Variants in SLC25A48 observed in about 807,000 individuals in gnomAD.
The protein encoded by SLC25A48 is solute carrier family 25 member 48, also known as CTC-321K16.1.
A neutral mutation model predicts 32.2 loss-of-function variants in SLC25A48; 29 were observed. The observed-to-expected ratio is 0.90, with a 90% CI of 0.67 to 1.23. The LOEUF is 1.23. SLC25A48 is among the 50% of genes most tolerant of loss of function. The pLI is 0.00. For missense variants in SLC25A48, 399 were observed against 422.7 expected (o/e 0.94, Z 0.49); for synonymous variants, 164 against 172.3 (o/e 0.95, Z 0.38).
intron 3 of SLC25A48, among the ~76,000 whole-genome samples, chr5:135,772,666 G>A (rs1356133180): frequency 6.6e-6 from 1 of 150,884 alleles, no homozygotes; most frequent in Non-Finnish European, 1.5e-5. Flanking sequence ...AAATCGCCAA[G>A]GGTGTACACC....
intron 3 of SLC25A48, among the ~76,000 whole-genome samples, chr5:135,685,544 T>C (rs1754003704): frequency 6.6e-6 from 1 of 150,766 alleles, no homozygotes; most frequent in Admixed American, 6.6e-5. Context: ...GCAATTCTCA[T>C]ACCTCGGCCT....
chr5:135,713,494 C>T (rs1400881533), intron 3 of SLC25A48, among the ~76,000 whole-genome samples: 1 of 152,136 alleles, frequency 6.6e-6, no homozygotes, highest in Non-Finnish European at 1.5e-5. Flanking sequence ...AATGAATAAA[C>T]GTAGAACCTC....
At chr5:135,679,117 G>A (rs180796696) in intron 3 of SLC25A48, among the ~76,000 whole-genome samples, 1 of 152,308 alleles carries the variant, frequency 6.6e-6, no homozygotes, top group East Asian at 1.9e-4. Flanking sequence ...GGCAGTAGCA[G>A]TGAGACTAAC....
chr5:135,636,275 G>A (rs1465307498), intron 3 of SLC25A48, among the ~76,000 whole-genome samples: 1 of 152,166 alleles, frequency 6.6e-6, no homozygotes, highest in Non-Finnish European at 1.5e-5. Context: ...GTGAGGCATG[G>A]TCTCAGCTCT....
intron 3 of SLC25A48, among the ~76,000 whole-genome samples, chr5:135,730,919 A>G (rs1308588335): frequency 6.6e-6 from 1 of 152,164 alleles, no homozygotes; most frequent in Non-Finnish European, 1.5e-5. Context: ...TAAGTGGGGA[A>G]CAGAGCTGGG....
chr5:135,883,243 C>T, intron 7 of SLC25A48: 1 of 985,474 alleles, frequency 1.0e-6, no homozygotes, highest in South Asian at 4.7e-5. Context: ...AGCGGAGCTT[C>T]TGCCTTGGAG....
intron 1 of SLC25A48, among the ~76,000 whole-genome samples, chr5:135,838,392 C>A (rs1758707251): frequency 6.6e-6 from 1 of 152,140 alleles, no homozygotes. Flanking sequence ...CCTAACAATG[C>A]AATAGAAAAT....
At chr5:135,630,748 C>T (rs1580737055) in intron 2 of SLC25A48, among the ~76,000 whole-genome samples, 1 of 151,600 alleles carries the variant, frequency 6.6e-6, no homozygotes, top group African/African-American at 2.4e-5. Context: ...ATTACAGGTG[C>T]CTGCCACCAA....
At chr5:135,658,684 A>T (rs1005937923) in intron 3 of SLC25A48, among the ~76,000 whole-genome samples, 1 of 152,198 alleles carries the variant, frequency 6.6e-6, no homozygotes, top group Non-Finnish European at 1.5e-5. Context: ...TTCTGCCTAG[A>T]CATCAGGTAT....
intron 3 of SLC25A48, among the ~76,000 whole-genome samples, chr5:135,785,130 G>T (rs1190986054): frequency 6.6e-6 from 1 of 152,124 alleles, no homozygotes; most frequent in East Asian, 1.9e-4. Flanking sequence ...ATCATAGAAG[G>T]TGTACAACCC....
At chr5:135,809,983 G>A (rs571921724) in intron 3 of SLC25A48, among the ~76,000 whole-genome samples, 3 of 152,254 alleles carry the variant, frequency 2.0e-5, no homozygotes, top group Non-Finnish European at 2.9e-5. Flanking sequence ...GACCACAGGC[G>A]CAGGCCACTG....
chr5:135,795,059 C>G (rs1363637166), intron 3 of SLC25A48, among the ~76,000 whole-genome samples: 3 of 151,788 alleles, frequency 2.0e-5, no homozygotes, highest in African/African-American at 7.3e-5. Flanking sequence ...TGTTTGTAAT[C>G]TCCAGGAGAG....
In SLC25A48 at chr5:135,740,775, C is replaced by G. The variant is rs932888756; in HGVS notation, c.-520-71748C>G. The stretch of plus-strand genomic sequence containing the variant: ...GCTGGGGTGGACTCTGTCAGAAAAG[C>G]TGCCCCCCAGCCCTGCTCAGCTGGA... On this transcript the variant is annotated intron_variant, in intron 3 of 10. Coordinates refer to the SLC25A48 transcript ENST00000646290. 2.0e-5 allele frequency among the ~76,000 whole-genome samples: 3 copies of G among 152,294 alleles called. No homozygotes were observed. In the East Asian group the frequency reaches 5.8e-4, roughly 29 times the overall value.
intron 3 of SLC25A48, among the ~76,000 whole-genome samples, chr5:135,739,762 A>G (rs1443682665): frequency 2.0e-5 from 3 of 151,958 alleles, no homozygotes; most frequent in African/African-American, 7.2e-5. Flanking sequence ...GAAAACACAC[A>G]TTCCTAAATG....
At chr5:135,695,488 G>A (rs1018821453) in intron 3 of SLC25A48, among the ~76,000 whole-genome samples, 3 of 152,196 alleles carry the variant, frequency 2.0e-5, no homozygotes, top group African/African-American at 7.2e-5. Context: ...TTTGCAGGTG[G>A]CAGGTTGCAA....
At chr5:135,733,029 A>C (rs1755268021) in intron 3 of SLC25A48, among the ~76,000 whole-genome samples, 1 of 152,142 alleles carries the variant, frequency 6.6e-6, no homozygotes, top group Non-Finnish European at 1.5e-5. Flanking sequence ...ATAGTGAGGA[A>C]ATTTCTTTCT....
intron 3 of SLC25A48, among the ~76,000 whole-genome samples, chr5:135,810,337 G>T (rs948486807): frequency 1.1e-4 from 17 of 152,268 alleles, no homozygotes; most frequent in Middle Eastern, 3.4e-3. Context: ...CTAATCTGTG[G>T]ATTGTGAAAC....
intron 3 of SLC25A48, among the ~76,000 whole-genome samples, chr5:135,696,325 T>C (rs1170906642): frequency 6.6e-6 from 1 of 152,192 alleles, no homozygotes; most frequent in African/African-American, 2.4e-5. Context: ...ACCACTTTAA[T>C]GCAAAACTTG....
intron 3 of SLC25A48, among the ~76,000 whole-genome samples, chr5:135,797,521 G>A (rs1049710901): frequency 3.8e-4 from 58 of 151,844 alleles, no homozygotes; most frequent in Admixed American, 1.9e-3. Context: ...ACTTCCTAAA[G>A]TTTAGAAAAG....
Sources: gnomAD v4.1 joint callset for allele counts (sites outside exome capture counted in the v4.1 genomes callset) on GRCh38, gnomAD v4.1.1 for gene constraint, MANE v1.5 for transcripts, NCBI Gene and HGNC (gene_info 2026-07-23, HGNC 2026-07-21) for gene names.